Variants in GUCY2F observed in about 807,000 individuals in gnomAD.
GUCY2F encodes guanylate cyclase 2F, retinal, also known as retinal guanylyl cyclase 2.
A neutral mutation model predicts 73.1 loss-of-function variants in GUCY2F; 61 were observed. That is an observed-to-expected ratio of 0.83 (90% confidence interval 0.68 to 1.03). The LOEUF (loss-of-function observed/expected upper bound fraction) is 1.03. Ranked by LOEUF, GUCY2F falls within the 50% of genes least tolerant of loss-of-function variation. GUCY2F has a pLI of 0.00. For synonymous variants in GUCY2F, 331 were observed against 307.8 expected, an observed-to-expected ratio of 1.08 and a Z score of -0.79; for missense variants, 912 against 854.3, an observed-to-expected ratio of 1.07 and a Z score of -0.84.
chrX:109,425,871 T>C (rs900166374), intron 8 of GUCY2F, among the ~76,000 whole-genome samples: 1 of 111,027 alleles, frequency 9.0e-6, no homozygotes, highest in Non-Finnish European at 1.9e-5. Flanking sequence ...TAGTGGGAGA[T>C]GATGGTGCTT....
chrX:109,472,207 C>A (rs757524380), intron 2 of GUCY2F, among the ~76,000 whole-genome samples: 2 of 108,972 alleles, frequency 1.8e-5, no homozygotes, highest in Admixed American at 9.8e-5. Flanking sequence ...CACACCATCA[C>A]TACAACCACC....
chrX:109,433,757 G>C (rs1177127308), intron 7 of GUCY2F, among the ~76,000 whole-genome samples: 2 of 111,517 alleles, frequency 1.8e-5, no homozygotes, highest in Non-Finnish European at 3.8e-5. Flanking sequence ...GTAATTTAAA[G>C]TCCATCAGTT....
chrX:109,461,296 G>T (rs12116256), intron 3 of GUCY2F, among the ~76,000 whole-genome samples: 6,208 of 112,040 alleles, frequency 0.055, 433 homozygotes, highest in African/African-American at 0.19. Context: ...AGGGAAGAAA[G>T]GAGGCCTTAT....
chrX:109,415,255 C>G (rs1383861841), intron 8 of GUCY2F, among the ~76,000 whole-genome samples: 1 of 112,004 alleles, frequency 8.9e-6, no homozygotes, highest in Non-Finnish European at 1.9e-5. Context: ...TGGGCTTAGC[C>G]TAACAGAAAG....
intron 10 of GUCY2F, among the ~76,000 whole-genome samples, chrX:109,399,278 T>C (rs1930783416): frequency 8.9e-6 from 1 of 112,543 alleles, no homozygotes; most frequent in African/African-American, 3.2e-5. Context: ...GGCACAGAGG[T>C]GGTGCTAGAG....
chrX:109,453,953 C>T (rs1359859248), intron 3 of GUCY2F, 94 bp from the exon 4 acceptor site: 1 of 473,008 alleles, frequency 2.1e-6, no homozygotes, highest in Non-Finnish European at 3.4e-6. Flanking sequence ...ATGGTCTGCA[C>T]ATCTGAGTGA....
chrX:109,416,933 CA>C (rs367707786), intron 8 of GUCY2F, among the ~76,000 whole-genome samples: 4,741 of 57,501 alleles, frequency 0.082, 308 homozygotes, highest in African/African-American at 0.22. Flanking sequence ...CAAAGAAATG[CA>C]AAAAAAAAAA....
intron 5 of GUCY2F, among the ~76,000 whole-genome samples, chrX:109,449,275 G>T (rs1932088372): frequency 8.9e-6 from 1 of 112,302 alleles, no homozygotes; most frequent in Admixed American, 9.4e-5. Flanking sequence ...CCACTGGTTT[G>T]TAAACAAACA....
At chrX:109,473,558 T>C (rs1183213048) in intron 2 of GUCY2F, among the ~76,000 whole-genome samples, 2 of 111,342 alleles carry the variant, frequency 1.8e-5, no homozygotes, top group African/African-American at 6.5e-5. Context: ...GATGTCCAGG[T>C]AATTCTAGCA....
At position 109,416,970 on chromosome X, in the gene GUCY2F, T is replaced by C. The variant is rs764465375; in HGVS notation, c.1792-7802A>G. Among the ~76,000 whole-genome samples the C allele has an allele frequency of 1.1e-4, 11 of 99,690 alleles. No homozygotes were observed. In the East Asian group the frequency reaches 3.5e-3, roughly 31 times the overall value. 86.6% of individuals were successfully genotyped at this position (99,690 alleles called of 115,157 possible). On this transcript the variant is annotated intron_variant, in intron 8 of 19. Transcript: ENST00000218006. The stretch of plus-strand genomic sequence containing the variant: ...AAAACCAATGAAACGAAATCTTTAA[T>C]ATGCCAAAAGAAAATAAACACAGAT...
intron 7 of GUCY2F, among the ~76,000 whole-genome samples, chrX:109,433,281 T>C (rs1488662979): frequency 8.9e-6 from 1 of 111,934 alleles, no homozygotes; most frequent in Non-Finnish European, 1.9e-5. Flanking sequence ...AGCTTTTTCA[T>C]GCCAAATCAA....
At chrX:109,391,645 C>A (rs1358700581) in intron 14 of GUCY2F, among the ~76,000 whole-genome samples, 1 of 111,489 alleles carries the variant, frequency 9.0e-6, no homozygotes, top group Admixed American at 9.5e-5. Flanking sequence ...TCTTCTTAGT[C>A]CCAATTCTAG....
At chrX:109,451,541 T>C (rs913307291) in intron 5 of GUCY2F, among the ~76,000 whole-genome samples, 1 of 111,777 alleles carries the variant, frequency 8.9e-6, no homozygotes, top group African/African-American at 3.3e-5. Context: ...CTTTACTTAT[T>C]TTAGTTTACT....
At chrX:109,378,934 GTT>G (rs1241908010) in intron 17 of GUCY2F, among the ~76,000 whole-genome samples, 6 of 111,923 alleles carry the variant, frequency 5.4e-5, no homozygotes. Flanking sequence ...GCACTCCCAT[GTT>G]CATTGCAGCA....
In GUCY2F at chrX:109,441,070, G is replaced by A. The variant is rs762492408; in HGVS notation, c.1701+281C>T. ...TTGTTATCTATATATCTTCTGGAGT[G>A]ACAGACACATTTAAATGTTTGGGTC... is the stretch of plus-strand genomic sequence containing the variant. On this transcript the variant is annotated intron_variant, in intron 7 of 19. Coordinates refer to ENST00000218006, the MANE Select transcript of GUCY2F (RefSeq NM_001522.3). Among the ~76,000 whole-genome samples the A allele has an allele frequency of 5.4e-5, 6 of 112,078 alleles. No homozygotes were observed. The East Asian group carries it at 1.7e-3, about 31-fold the overall frequency.
At chrX:109,465,536 C>T (rs1441959655) in intron 2 of GUCY2F, 93 bp from the exon 3 acceptor site, 14 of 650,923 alleles carry the variant, frequency 2.2e-5, no homozygotes, top group Non-Finnish European at 3.1e-5. Flanking sequence ...TGTGTTCTAA[C>T]CAATTTGTAA....
chrX:109,413,893 C>T (rs1931173972), intron 8 of GUCY2F, among the ~76,000 whole-genome samples: 1 of 111,277 alleles, frequency 9.0e-6, no homozygotes, highest in Non-Finnish European at 1.9e-5. Context: ...CACATAAGTG[C>T]TCACCCGCAG....
At chrX:109,398,455 C>A in intron 11 of GUCY2F, 94 bp downstream of exon 11, 1 of 824,709 alleles carries the variant, frequency 1.2e-6, no homozygotes. Flanking sequence ...GCTGTTAGCA[C>A]TAACACTCTT....
chrX:109,434,438 A>G (rs755288475), intron 7 of GUCY2F, among the ~76,000 whole-genome samples: 2 of 109,148 alleles, frequency 1.8e-5, no homozygotes, highest in Non-Finnish European at 3.8e-5. Context: ...AATTTGTGTG[A>G]GCGTAGTACA....
Sources: gnomAD v4.1 joint callset for allele counts (sites outside exome capture counted in the v4.1 genomes callset) on GRCh38, gnomAD v4.1.1 for gene constraint, MANE v1.5 for transcripts, NCBI Gene and HGNC (gene_info 2026-07-23, HGNC 2026-07-21) for gene names.